The following SYNE2 variants were observed in gnomAD, a reference collection of about 807,000 sequenced individuals.
The protein encoded by SYNE2 is spectrin repeat containing nuclear envelope protein 2.
SYNE2 carries 431 observed loss-of-function variants against 856.3 expected under a neutral mutation model. The ratio of observed to expected loss-of-function variants is 0.50; its 90% CI spans 0.47 to 0.55. The LOEUF (loss-of-function observed/expected upper bound fraction) is 0.55, where lower values mean the gene tolerates loss of function less well. SYNE2 is among the 20% of genes least tolerant of loss of function. The probability of loss-of-function intolerance (pLI) is 0.00; values close to 1 mark genes in which losing one functional copy is unlikely to be tolerated. For synonymous variants in SYNE2, 2,923 were observed against 2,872.3 expected (o/e 1.02, Z -0.56); for missense variants, 8,129 against 8,023.2 (o/e 1.01, Z -0.50).
At chr14:64,017,881 A>G in intron 34 of SYNE2, 125 bp downstream of exon 34, 1 of 955,764 alleles carries the variant, frequency 1.0e-6, no homozygotes, top group Admixed American at 2.1e-5. Flanking sequence ...AATCACAGAC[A>G]TTTTTGGATC....
chr14:64,067,703 T>C (rs1165844260), intron 51 of SYNE2, among the ~76,000 whole-genome samples: 1 of 152,264 alleles, frequency 6.6e-6, no homozygotes, highest in African/African-American at 2.4e-5. Flanking sequence ...AAACTAAATT[T>C]AAATTTTGAT....
chr14:63,955,128 A>C (rs369254007), intron 8 of SYNE2, among the ~76,000 whole-genome samples: 9 of 152,332 alleles, frequency 5.9e-5, no homozygotes, highest in Admixed American at 6.5e-5. Context: ...GAAAGCAAAC[A>C]GTGCTGTTAT....
chr14:64,152,612 A>C lies in SYNE2; in HGVS notation c.15688A>C (p.Lys5230Gln). The change falls in exon 85 of 116, where the codon AAA becomes CAA. Residue 5230 changes from lysine (K) to glutamine (Q), a missense_variant. This residue lies in a region of SYNE2 where 5,410 missense variants were observed against 5,284.8 expected (regional missense o/e 1.02). Coordinates refer to ENST00000555002, the MANE Select transcript of SYNE2 (RefSeq NM_182914.3). ...AIKSKALDEL[K>Q]QSYLTLESGA... ...TAAATCCAAAGCACTAGATGAGTTG[A>C]AACAAAGTTATCTGACTTTGGAGAG... 2 of 1,614,138 alleles carry C rather than the reference A, an allele frequency of 1.2e-6. No individual in the cohort carries two copies. Among genetic ancestry groups the C allele is most frequent in the Non-Finnish European group, 1.7e-6 (2 of 1,179,982 alleles).
At position 64,162,131 on chromosome 14, in the gene SYNE2, A is replaced by G; in HGVS notation, c.16154A>G (p.Gln5385Arg). ...DQLQKAQSLL[Q>R]LWKAYSNAHG... ...TTGCAGAAGGCCCAGAGTCTGCTCC[A>G]GCTCTGGAAGGCCTATAGCAATGCT... Residue 5385 changes from glutamine (Q) to arginine (R), a missense_variant, in exon 88 of 116, where the codon CAG becomes CGG. Physicochemically the swap from Gln to Arg is conservative, Grantham distance 43 (BLOSUM62 1). This residue lies in a region of SYNE2 where 5,410 missense variants were observed against 5,284.8 expected (regional missense o/e 1.02). Transcript: ENST00000555002. The G allele has an allele frequency of 6.2e-7, 1 of 1,614,224 alleles. No homozygotes were observed. The highest frequency in any genetic ancestry group is 2.2e-5 in the East Asian group (1 of 44,882).
Position 63,994,174 on chromosome 14 carries a change from C to G in SYNE2, c.2781+205C>G, listed in dbSNP as rs529795724. 3.3e-4 allele frequency among the ~76,000 whole-genome samples: 50 copies of G among 152,206 alleles called. 1 individual carries two copies. In the South Asian group the frequency reaches 8.7e-3, roughly 27 times the overall value. On this transcript the variant is annotated intron_variant, in intron 22 of 115. Coordinates refer to ENST00000555002, the MANE Select transcript of SYNE2 (RefSeq NM_182914.3). The stretch of plus-strand genomic sequence containing the variant: ...TGGCAGACAAACCTGGATTCAGCAG[C>G]TATGACCCTGGGCAAGGTACTTAAC...
chr14:63,789,678 C>T (rs889555310), intron 1 of SYNE2, among the ~76,000 whole-genome samples: 1 of 151,270 alleles, frequency 6.6e-6, no homozygotes, highest in Non-Finnish European at 1.5e-5. Context: ...CTCTGGAGGC[C>T]AAGGCAGGAG....
intron 2 of SYNE2, among the ~76,000 whole-genome samples, chr14:63,921,246 C>T (rs1209634350): frequency 1.3e-5 from 2 of 150,806 alleles, no homozygotes; most frequent in East Asian, 3.9e-4. Context: ...GACATGATGA[C>T]TCAGTTCTGG....
At chr14:63,799,627 C>T (rs1888054538) in intron 1 of SYNE2, among the ~76,000 whole-genome samples, 1 of 152,186 alleles carries the variant, frequency 6.6e-6, no homozygotes, top group Non-Finnish European at 1.5e-5. Flanking sequence ...TGGCGTGAAC[C>T]TGGGAGGCAG....
At chr14:64,024,122 CCAT>C (rs1467989482) in intron 38 of SYNE2, 132 bp from the exon 39 acceptor site, 4 of 737,046 alleles carry the variant, frequency 5.4e-6, no homozygotes, top group Non-Finnish European at 7.2e-6. Flanking sequence ...AGCCACATCT[CCAT>C]CACCCTTCTT....
In SYNE2 at chr14:63,954,846, G is replaced by C. The variant is rs1226057811; in HGVS notation, c.718G>C (p.Asp240His). The change falls in exon 8 of 116, where the codon GAC (aspartate) becomes CAC (histidine). Residue 240 changes from aspartate (D) to histidine (H), a missense_variant. Asp to His is a moderately conservative substitution (Grantham distance 81, BLOSUM62 -1). Around this residue, in one of 3 missense-constraint regions of SYNE2, gnomAD observed 2,422 missense variants for 2,357.4 expected, o/e 1.03. Coordinates refer to ENST00000555002, the MANE Select transcript of SYNE2 (RefSeq NM_182914.3). ...GAGTGTGAAGCATAGATCCAACAAA[G>C]ACAATCTGAGAGAGGCCTTCAGAAT... ...MKSVKHRSNK[D>H]NLREAFRIAE... 1.2e-6 allele frequency: 2 copies of C among 1,613,864 alleles called. No homozygotes were observed. The highest frequency in any genetic ancestry group is 2.7e-5 in the African/African-American group (2 of 74,918).
Position 64,002,830 on chromosome 14 carries a change from T to A in SYNE2, c.3897T>A (p.Asn1299Lys). Residue 1299 changes from asparagine to lysine, a missense_variant, in exon 30 of 116, where the codon AAT becomes AAA. By Grantham distance (94) the Asn-to-Lys change is moderately conservative. Around this residue, in one of 3 missense-constraint regions of SYNE2, gnomAD observed 2,422 missense variants for 2,357.4 expected, o/e 1.03. Transcript: ENST00000555002. Reference protein sequence around the residue: ...LHPFDLHAMQNIILKYKTQFE... With the variant: ...LHPFDLHAMQKIILKYKTQFE... ...CATTTGATCTACACGCAATGCAGAA[T>A]ATTATACTGAAATACAAAACACAAT... The A allele has an allele frequency of 6.2e-7, 1 of 1,614,192 alleles. No homozygotes were observed. Among genetic ancestry groups the A allele is most frequent in the Non-Finnish European group, 8.5e-7 (1 of 1,180,028 alleles).
At chr14:64,208,133 A>AC in intron 100 of SYNE2, 1 of 455,944 alleles carries the variant, frequency 2.2e-6, no homozygotes, top group Non-Finnish European at 4.4e-6. Context: ...GACTCCAGAG[A>AC]CCCCACCTCT....
chr14:63,952,698 T>C (rs1330900852), intron 7 of SYNE2, among the ~76,000 whole-genome samples: 1 of 152,230 alleles, frequency 6.6e-6, no homozygotes, highest in East Asian at 1.9e-4. Context: ...CTGGATGAAG[T>C]AGATACCACA....
chr14:63,790,964 G>T (rs1029762564), intron 1 of SYNE2, among the ~76,000 whole-genome samples: 1 of 151,022 alleles, frequency 6.6e-6, no homozygotes, highest in Non-Finnish European at 1.5e-5. Context: ...GCTACCAGAA[G>T]AATTTTTTTT....
At chr14:64,184,694 C>T (rs933407296) in intron 96 of SYNE2, among the ~76,000 whole-genome samples, 1 of 152,126 alleles carries the variant, frequency 6.6e-6, no homozygotes, top group African/African-American at 2.4e-5. Context: ...CAAAGTGTTC[C>T]ACTGTGGAAT....
rs778874832 is a variant in SYNE2, at chr14:63,954,719, C to G, written c.591C>G (p.Thr197=). 2 of 1,613,772 alleles carry G rather than the reference C, an allele frequency of 1.2e-6. No individual in the cohort carries two copies. The highest frequency in any genetic ancestry group is 4.5e-5 in the East Asian group (2 of 44,862). ...LLLWAQEQCA[T]YESVNVTDFK... is the part of the protein sequence containing the mutation. ...TCATGTTTTTGTCTTTTTATGATAG[C>G]TATGAGTCTGTCAATGTGACCGATT... The change falls in exon 8 of 116, where the codon ACC becomes ACG. Residue 197 remains threonine, a splice_region_variant and synonymous_variant. Coordinates refer to ENST00000555002, the MANE Select transcript of SYNE2 (RefSeq NM_182914.3).
intron 80 of SYNE2, 109 bp downstream of exon 80, chr14:64,140,182 T>A: frequency 8.8e-7 from 1 of 1,132,452 alleles, no homozygotes; most frequent in Non-Finnish European, 1.3e-6. Flanking sequence ...GGATAAGGGG[T>A]AAGACTTGGG....
chr14:63,912,222 A>G (rs891315807), intron 2 of SYNE2, among the ~76,000 whole-genome samples: 10 of 152,174 alleles, frequency 6.6e-5, no homozygotes, highest in African/African-American at 2.4e-4. Context: ...ATTTGTAATG[A>G]TTCTTTCAGC....
chr14:64,014,972 T>TACAC (rs1459153230), intron 32 of SYNE2, among the ~76,000 whole-genome samples: 60 of 83,874 alleles, frequency 7.2e-4, no homozygotes, highest in African/African-American at 2.7e-3. Context: ...TATATATATA[T>TACAC]ATACACACAC....
Sources: allele counts gnomAD v4.1 joint callset (sites outside exome capture counted in the v4.1 genomes callset), GRCh38; gene constraint gnomAD v4.1.1; regional missense constraint gnomAD v4.1.1; transcripts MANE v1.5; gene names NCBI Gene and HGNC (gene_info 2026-07-23, HGNC 2026-07-21).